CNTN3: variants seen among roughly 807,000 people sequenced by gnomAD.
CNTN3 encodes contactin-3.
A neutral mutation model predicts 119.1 loss-of-function variants in CNTN3; 60 were observed. The ratio of observed to expected loss-of-function variants is 0.50; its 90% confidence interval spans 0.41 to 0.62. The LOEUF (loss-of-function observed/expected upper bound fraction) is 0.62, where lower values mean the gene tolerates loss of function less well. Ranked by LOEUF, CNTN3 falls within the 20% of genes least tolerant of loss-of-function variation. The probability of loss-of-function intolerance (pLI) is 0.00; values close to 1 mark genes in which losing one functional copy is unlikely to be tolerated. For synonymous variants in CNTN3, 450 were observed against 438.7 expected (o/e 1.03, Z -0.32); for missense variants, 1,101 against 1,242.4 (o/e 0.89, Z 1.71).
At chr3:74,283,023 TC>T (rs1436074120) in intron 20 of CNTN3, among the ~76,000 whole-genome samples, 1 of 152,056 alleles carries the variant, frequency 6.6e-6, no homozygotes, top group Non-Finnish European at 1.5e-5. Flanking sequence ...TTGCTGGATT[TC>T]CCATCAAACT....
intron 4 of CNTN3, among the ~76,000 whole-genome samples, chr3:74,438,078 T>A (rs1701901837): frequency 6.6e-6 from 1 of 152,182 alleles, no homozygotes; most frequent in Non-Finnish European, 1.5e-5. Context: ...TCCTTTCCAA[T>A]GTGGAAACAA....
intron 4 of CNTN3, among the ~76,000 whole-genome samples, chr3:74,468,496 C>T (rs770176227): frequency 1.3e-5 from 2 of 152,164 alleles, no homozygotes; most frequent in Non-Finnish European, 2.9e-5. Flanking sequence ...TACTGAATTT[C>T]ATTTCCATCA....
At chr3:74,480,132 A>G (rs900938300) in intron 4 of CNTN3, among the ~76,000 whole-genome samples, 2 of 152,082 alleles carry the variant, frequency 1.3e-5, no homozygotes, top group African/African-American at 4.8e-5. Context: ...GCCTAAGCTG[A>G]TGCTTATTCA....
chr3:74,339,603 T>C (rs1348079913), intron 11 of CNTN3, among the ~76,000 whole-genome samples: 18 of 152,126 alleles, frequency 1.2e-4, no homozygotes, highest in Non-Finnish European at 2.5e-4. Flanking sequence ...ACTAATATTT[T>C]TCTCCTCCAG....
intron 3 of CNTN3, among the ~76,000 whole-genome samples, chr3:74,498,077 C>G (rs4677403): frequency 0.2 from 30,089 of 151,668 alleles, 3,217 homozygotes; most frequent in East Asian, 0.4. Context: ...ACATTTATCA[C>G]CAAATTATTC....
intron 13 of CNTN3, among the ~76,000 whole-genome samples, chr3:74,318,071 G>A (rs1219585928): frequency 6.6e-6 from 1 of 152,008 alleles, no homozygotes; most frequent in African/African-American, 2.4e-5. Context: ...TTCCCTTCTT[G>A]CTTCATTTCA....
At chr3:74,609,886 T>C (rs1209044433) in intron 1 of CNTN3, among the ~76,000 whole-genome samples, 3 of 152,040 alleles carry the variant, frequency 2.0e-5, no homozygotes, top group African/African-American at 7.2e-5. Context: ...AAATGTACAG[T>C]TCCAAGTTAT....
chr3:74,518,637 T>A (rs994303373), intron 2 of CNTN3, among the ~76,000 whole-genome samples: 1 of 151,970 alleles, frequency 6.6e-6, no homozygotes. Context: ...GTGGTGTTAT[T>A]AAACCCACCA....
chr3:74,568,998 C>T (rs891882434), intron 1 of CNTN3, among the ~76,000 whole-genome samples: 2 of 152,168 alleles, frequency 1.3e-5, no homozygotes, highest in African/African-American at 2.4e-5. Flanking sequence ...ATAAAGCTTA[C>T]AGCCCATGAG....
intron 1 of CNTN3, among the ~76,000 whole-genome samples, chr3:74,587,926 T>C (rs1439721624): frequency 1.3e-5 from 2 of 152,144 alleles, no homozygotes; most frequent in African/African-American, 4.8e-5. Flanking sequence ...ACATTGGCTG[T>C]GGGTTTGTCA....
chr3:74,550,866 C>T (rs1703979951), intron 1 of CNTN3, among the ~76,000 whole-genome samples: 1 of 152,184 alleles, frequency 6.6e-6, no homozygotes, highest in Non-Finnish European at 1.5e-5. Flanking sequence ...TCATCAGCCT[C>T]CATAGGGCTG....
chr3:74,455,456 C>T (rs1248222900), intron 4 of CNTN3, among the ~76,000 whole-genome samples: 5 of 152,008 alleles, frequency 3.3e-5, no homozygotes, highest in Non-Finnish European at 7.4e-5. Context: ...GAATTTCCTC[C>T]TGTAGCTCGT....
intron 2 of CNTN3, among the ~76,000 whole-genome samples, chr3:74,508,494 T>C (rs886408667): frequency 6.6e-6 from 1 of 152,210 alleles, no homozygotes; most frequent in Non-Finnish European, 1.5e-5. Flanking sequence ...AAACTTATTT[T>C]TAATTGATTC....
chr3:74,387,673 T>C (rs1704784961), intron 5 of CNTN3, among the ~76,000 whole-genome samples: 1 of 152,226 alleles, frequency 6.6e-6, no homozygotes, highest in African/African-American at 2.4e-5. Context: ...TATTCCTAAG[T>C]GTCACTAGAC....
At chr3:74,339,494 T>C (rs1703478423) in intron 11 of CNTN3, among the ~76,000 whole-genome samples, 1 of 152,166 alleles carries the variant, frequency 6.6e-6, no homozygotes, top group African/African-American at 2.4e-5. Flanking sequence ...CCTGAAACCA[T>C]GAGTTAGATT....
chr3:74,536,748 G>A (rs1431970914), intron 1 of CNTN3, among the ~76,000 whole-genome samples: 1 of 152,084 alleles, frequency 6.6e-6, no homozygotes, highest in Non-Finnish European at 1.5e-5. Context: ...AGCAGAACAA[G>A]TTCCCTTCAC....
At chr3:74,274,809 C>T (rs1160172434) in intron 20 of CNTN3, among the ~76,000 whole-genome samples, 2 of 152,038 alleles carry the variant, frequency 1.3e-5, no homozygotes, top group African/African-American at 4.8e-5. Context: ...GAAGAAATCC[C>T]TGATTTACTG....
chr3:74,499,700 A>G lies in CNTN3; in HGVS notation c.141T>C (p.Thr47=). ...FPVGSEDKKI[T]LHCEARGNPS... The stretch of plus-strand genomic sequence containing the variant: ...GATTGCCTCTTGCTTCACAATGCAA[A>G]GTTATTTTTTTATCTTCTGAACCAA... The change falls in exon 3 of 23, where the codon ACT becomes ACC. Residue 47 remains threonine, a synonymous_variant. Coordinates refer to ENST00000263665, the MANE Select transcript of CNTN3 (RefSeq NM_020872.3). 1 of 1,611,596 alleles carries G rather than the reference A, an allele frequency of 6.2e-7. No homozygotes were observed. The highest frequency in any genetic ancestry group is 8.5e-7 in the Non-Finnish European group (1 of 1,178,470).
rs568137552 is a variant in CNTN3 at position 74,573,541 on chromosome 3, G to C, written c.-81+40850C>G. Reference sequence around the variant, plus strand: ...ATGGGACAAAATATTTGTAAACCAAGTATCTGTTAAGGGTTTGGTACTCAG... The same window carrying C: ...ATGGGACAAAATATTTGTAAACCAACTATCTGTTAAGGGTTTGGTACTCAG... On this transcript the variant is annotated intron_variant, in intron 1 of 22. Coordinates refer to ENST00000263665, the MANE Select transcript of CNTN3 (RefSeq NM_020872.3). Among the ~76,000 whole-genome samples the C allele has an allele frequency of 6.8e-4, 103 of 152,162 alleles. 4 individuals carry two copies. In the South Asian group the frequency reaches 0.021, roughly 31 times the overall value.
Sources: allele counts gnomAD v4.1 joint callset (sites outside exome capture counted in the v4.1 genomes callset), GRCh38; gene constraint gnomAD v4.1.1; transcripts MANE v1.5; gene names NCBI Gene and HGNC (gene_info 2026-07-23, HGNC 2026-07-21).